CLEC18A: variants seen among roughly 807,000 people sequenced by gnomAD.
CLEC18A encodes mannose receptor-like 1.
CLEC18A carries 5 observed loss-of-function variants against 24.0 expected under a neutral mutation model. The observed-to-expected ratio is 0.21, with a 90% CI of 0.11 to 0.44. CLEC18A has a LOEUF of 0.44. Ranked by LOEUF, CLEC18A falls within the 20% of genes least tolerant of loss-of-function variation. CLEC18A has a pLI of 0.99. For synonymous variants in CLEC18A, 29 were observed against 100.1 expected (o/e 0.29, Z 4.24); for missense variants, 83 against 233.4 (o/e 0.36, Z 4.20).
At chr16:69,945,639 C>T in the CLEC18A span, among the ~76,000 whole-genome samples, 4 of 152,268 alleles carry the variant, frequency 2.6e-5, no homozygotes, top group African/African-American at 4.8e-5. Context: ...CAAACCTGGC[C>T]TCTCAATTGC....
chr16:69,948,635 G>C (rs1464584040), upstream of CLEC18A, among the ~76,000 whole-genome samples: 4 of 150,430 alleles, frequency 2.7e-5, no homozygotes, highest in Non-Finnish European at 5.9e-5. Context: ...CCTCACCTGG[G>C]GAAAGCTGCC....
rs2059004581 is a variant in CLEC18A at position 69,954,485 on chromosome 16, TGGTC to T, written c.369_372del (p.Val124AlafsTer51). ...GCGGGCTTGGTGTCCTTTGTCGAAG[TGGTC>T]AGCCTATGGTTTGCAGAGGGGCAGC... On this transcript the variant is annotated frameshift_variant, in exon 3 of 12. Transcript: ENST00000288040. LOFTEE classifies it high-confidence loss of function. 1 of 1,611,494 alleles carries T rather than the reference TGGTC, an allele frequency of 6.2e-7. No homozygotes were observed. The highest frequency in any genetic ancestry group is 1.3e-5 in the African/African-American group (1 of 74,892).
downstream of CLEC18A, among the ~76,000 whole-genome samples, chr16:69,965,416 C>G (rs1219575398): frequency 6.6e-6 from 1 of 151,918 alleles, no homozygotes; most frequent in African/African-American, 2.4e-5. Context: ...TCCGGGGCCA[C>G]GGCCGCAGCG....
chr16:69,945,130 A>G, the CLEC18A span, among the ~76,000 whole-genome samples: 3 of 148,858 alleles, frequency 2.0e-5, no homozygotes, highest in African/African-American at 7.8e-5. Flanking sequence ...GTCTGGAAAA[A>G]AAAAAAAAAA....
intron 3 of CLEC18A, among the ~76,000 whole-genome samples, chr16:69,954,968 G>A (rs2059014362): frequency 6.6e-6 from 1 of 151,956 alleles, no homozygotes; most frequent in Non-Finnish European, 1.5e-5. Context: ...CCAAAGTGCT[G>A]GGATTACAGG....
intron 3 of CLEC18A, among the ~76,000 whole-genome samples, chr16:69,955,079 C>A (rs1464727017): frequency 1.3e-5 from 2 of 152,144 alleles, no homozygotes; most frequent in African/African-American, 4.8e-5. Flanking sequence ...CAGCTCACTG[C>A]AACCTCCGTC....
upstream of CLEC18A, among the ~76,000 whole-genome samples, chr16:69,945,714 T>C (rs2058908849): frequency 2.0e-5 from 3 of 152,290 alleles, no homozygotes; most frequent in Non-Finnish European, 2.9e-5. Flanking sequence ...ATTGAATTAA[T>C]AGACAAATTT....
At chr16:69,953,505 C>T (rs2058984601) in intron 2 of CLEC18A, 2 of 149,932 alleles carry the variant, frequency 1.3e-5, no homozygotes. Flanking sequence ...TGGTGATTGC[C>T]AGGCCCACTT....
downstream of CLEC18A, among the ~76,000 whole-genome samples, chr16:69,965,503 G>A (rs1436941881): frequency 2.6e-5 from 4 of 151,392 alleles, no homozygotes; most frequent in African/African-American, 2.4e-5. Context: ...GGGGGGCGGT[G>A]GGGACAGCAC....
the CLEC18A span, among the ~76,000 whole-genome samples, chr16:69,943,722 C>T: frequency 6.7e-6 from 1 of 148,246 alleles, no homozygotes; most frequent in South Asian, 2.2e-4. Flanking sequence ...CATCTGTGTG[C>T]ATGATATGTG....
upstream of CLEC18A, among the ~76,000 whole-genome samples, chr16:69,946,854 C>T (rs2058912393): frequency 1.1e-5 from 1 of 90,944 alleles, no homozygotes; most frequent in South Asian, 3.7e-4. Flanking sequence ...GGATTTTCTA[C>T]AGTAGAATTA....
At chr16:69,966,264 T>C (rs1266444409), downstream of CLEC18A, among the ~76,000 whole-genome samples, 68 of 150,670 alleles carry the variant, frequency 4.5e-4, 3 homozygotes, top group South Asian at 1.3e-3. Flanking sequence ...AAGCCCCCAC[T>C]TGTGTTTAGC....
upstream of CLEC18A, among the ~76,000 whole-genome samples, chr16:69,946,568 A>G (rs1370637527): frequency 1.4e-5 from 2 of 144,192 alleles, no homozygotes; most frequent in Non-Finnish European, 3.0e-5. Context: ...ACGCCTGGCT[A>G]ATTTTTTGTA....
At chr16:69,964,792 C>T (rs1227491655), downstream of CLEC18A, among the ~76,000 whole-genome samples, 17 of 151,552 alleles carry the variant, frequency 1.1e-4, no homozygotes, top group African/African-American at 3.4e-4. Context: ...CGTGAGCCAC[C>T]GCGCCCGGCC....
intron 2 of CLEC18A, chr16:69,952,984 G>A (rs1452918958): frequency 6.8e-6 from 1 of 147,826 alleles, no homozygotes; most frequent in African/African-American, 2.6e-5. Flanking sequence ...CAGACCCTGG[G>A]CAACCAGGGG....
intron 3 of CLEC18A, among the ~76,000 whole-genome samples, chr16:69,955,099 C>T (rs2059016470): frequency 6.6e-6 from 1 of 152,164 alleles, no homozygotes; most frequent in Non-Finnish European, 1.5e-5. Context: ...CTCCTAGATT[C>T]AAGCGATTCT....
rs551450088 is a variant in CLEC18A, at chr16:69,953,997, G to A, written c.217-337G>A. On this transcript the variant is annotated intron_variant, in intron 2 of 11. Coordinates refer to ENST00000288040, the MANE Select transcript of CLEC18A (RefSeq NM_001370523.4). ...GTGGAGCCTTTCTGACAATGGCCAG[G>A]GCCCAAACACAGAACCAGTCTGCAA... Among the ~76,000 whole-genome samples the A allele has an allele frequency of 1.9e-4, 27 of 144,568 alleles. 2 individuals carry two copies. In the South Asian group the frequency reaches 6.3e-3, roughly 34 times the overall value. The allele number at this position is 144,568 out of a possible 152,430, so 94.8% of individuals were successfully genotyped here.
chr16:69,945,226 G>T, the CLEC18A span, among the ~76,000 whole-genome samples: 1 of 148,636 alleles, frequency 6.7e-6, no homozygotes, highest in Non-Finnish European at 1.5e-5. Context: ...GGAATTCGAG[G>T]CTACTCAGCA....
chr16:69,951,717 G>T, intron 1 of CLEC18A: 1 of 338,188 alleles, frequency 3.0e-6, no homozygotes, highest in Non-Finnish European at 4.3e-6. Flanking sequence ...GAACGCCGAG[G>T]GGCGCTGTGG....
Sources: allele counts gnomAD v4.1 joint callset (sites outside exome capture counted in the v4.1 genomes callset), GRCh38; gene constraint gnomAD v4.1.1; transcripts MANE v1.5; gene names NCBI Gene and HGNC (gene_info 2026-07-23, HGNC 2026-07-21).